The following SGCZ variants were observed in gnomAD, a reference collection of about 807,000 sequenced individuals.
The protein encoded by SGCZ is sarcoglycan zeta.
In SGCZ, 40 loss-of-function variants were observed where a neutral mutation model predicts 41.3. The observed-to-expected ratio is 0.97, with a 90% CI of 0.75 to 1.26. The LOEUF (loss-of-function observed/expected upper bound fraction) is 1.26, where lower values mean the gene tolerates loss of function less well. Ranked by LOEUF, SGCZ falls within the 50% of genes most tolerant of loss-of-function variation. The pLI is 0.00. For synonymous variants in SGCZ, 206 were observed against 137.5 expected (o/e 1.50, Z -3.49); for missense variants, 552 against 369.8 (o/e 1.49, Z -4.04).
intron 1 of SGCZ, among the ~76,000 whole-genome samples, chr8:14,781,206 C>T (rs1382363713): frequency 6.6e-6 from 1 of 152,108 alleles, no homozygotes; most frequent in African/African-American, 2.4e-5. Context: ...CACAAACAGA[C>T]ATCACTCCTT....
At chr8:14,207,149 C>CTGTT (rs145175933) in intron 4 of SGCZ, among the ~76,000 whole-genome samples, 114,173 of 151,158 alleles carry the variant, frequency 0.76, 44,222 homozygotes, top group African/African-American at 0.92. Flanking sequence ...GTGATGGTGG[C>CTGTT]TATTCTTTTT....
intron 1 of SGCZ, among the ~76,000 whole-genome samples, chr8:15,079,620 C>T (rs1178703018): frequency 6.6e-6 from 1 of 152,168 alleles, no homozygotes; most frequent in African/African-American, 2.4e-5. Context: ...TTTGTAGATT[C>T]AAACCTTCTA....
intron 1 of SGCZ, among the ~76,000 whole-genome samples, chr8:14,610,195 T>A (rs1489273240): frequency 1.3e-5 from 2 of 152,100 alleles, no homozygotes; most frequent in African/African-American, 4.8e-5. Context: ...CCAACCTATA[T>A]TACATTGTTA....
intron 1 of SGCZ, among the ~76,000 whole-genome samples, chr8:15,208,061 A>AAGAAAGAGT (rs1801126642): frequency 2.6e-5 from 4 of 152,346 alleles, no homozygotes; most frequent in South Asian, 4.1e-4. Context: ...TGTGTCTACT[A>AAGAAAGAGT]AATATTATTT....
At chr8:14,322,749 A>G (rs1801968801) in intron 3 of SGCZ, among the ~76,000 whole-genome samples, 1 of 152,140 alleles carries the variant, frequency 6.6e-6, no homozygotes, top group South Asian at 2.1e-4. Flanking sequence ...TCCTATGTTT[A>G]GCAGTTTCTT....
At position 15,229,128 on chromosome 8, in the gene SGCZ, G is replaced by T. The variant is rs111535124; in HGVS notation, c.39+8457C>A. 3.0e-3 allele frequency among the ~76,000 whole-genome samples: 460 copies of T among 152,168 alleles called. 1 individual carries two copies. The highest frequency in any genetic ancestry group is 0.011 in the African/African-American group (446 of 41,510). On this transcript the variant is annotated intron_variant, in intron 1 of 7. Coordinates refer to ENST00000382080, the MANE Select transcript of SGCZ (RefSeq NM_139167.4). Reference sequence around the variant, plus strand: ...AATCGCTTGAACCCAGGAGGCAGAGGTTGTAGTGAACCGAGATCGTGCCAC... The same window carrying T: ...AATCGCTTGAACCCAGGAGGCAGAGTTTGTAGTGAACCGAGATCGTGCCAC...
At position 14,665,166 on chromosome 8, in the gene SGCZ, C is replaced by T. The variant is rs796376205; in HGVS notation, c.40-110240G>A. On this transcript the variant is annotated intron_variant, in intron 1 of 7. Transcript: ENST00000382080. ...TCCTAATGCTATCCCTCCCCCCTCT[C>T]CCCACCCCACAACAGGCCCCGGTGT... Among the ~76,000 whole-genome samples, 15 of 152,154 alleles carry T rather than the reference C, an allele frequency of 9.9e-5. 1 individual carries two copies. The highest frequency in any genetic ancestry group is 3.6e-4 in the African/African-American group (15 of 41,534).
intron 1 of SGCZ, among the ~76,000 whole-genome samples, chr8:15,105,911 A>G (rs1195786298): frequency 6.6e-6 from 1 of 150,680 alleles, no homozygotes; most frequent in Non-Finnish European, 1.5e-5. Context: ...AAAAGAGCCA[A>G]TTCTTCCCCT....
chr8:14,210,215 C>G (rs567853194), intron 4 of SGCZ, among the ~76,000 whole-genome samples: 3 of 152,078 alleles, frequency 2.0e-5, no homozygotes, highest in Admixed American at 2.0e-4. Flanking sequence ...ACACTACTAC[C>G]GTCTAGCTAA....
intron 1 of SGCZ, among the ~76,000 whole-genome samples, chr8:15,138,778 G>C (rs544964564): frequency 8.5e-5 from 13 of 152,240 alleles, no homozygotes; most frequent in African/African-American, 2.6e-4. Context: ...CTTCACAGCA[G>C]TGTGAGAAGA....
At chr8:14,568,703 A>G (rs1403728095) in intron 1 of SGCZ, among the ~76,000 whole-genome samples, 1 of 152,130 alleles carries the variant, frequency 6.6e-6, no homozygotes, top group Non-Finnish European at 1.5e-5. Context: ...ATTTTCCTAG[A>G]GGTTTTATTG....
chr8:14,112,060 C>T (rs1802387082), intron 5 of SGCZ, among the ~76,000 whole-genome samples: 2 of 152,040 alleles, frequency 1.3e-5, no homozygotes, highest in South Asian at 4.1e-4. Flanking sequence ...TCACTGGTCC[C>T]AGAAGAAGAG....
intron 1 of SGCZ, among the ~76,000 whole-genome samples, chr8:15,186,186 C>G (rs954247525): frequency 7.0e-6 from 1 of 143,062 alleles, no homozygotes; most frequent in Non-Finnish European, 1.5e-5. Flanking sequence ...GGCATGAACC[C>G]GGGAGGCGGA....
At chr8:14,914,029 G>T (rs1355999103) in intron 1 of SGCZ, among the ~76,000 whole-genome samples, 1 of 151,908 alleles carries the variant, frequency 6.6e-6, no homozygotes, top group Non-Finnish European at 1.5e-5. Context: ...TTAATAGTCA[G>T]TTTATAAAAT....
At chr8:14,533,534 A>G (rs558823267) in intron 2 of SGCZ, among the ~76,000 whole-genome samples, 1 of 152,110 alleles carries the variant, frequency 6.6e-6, no homozygotes, top group African/African-American at 2.4e-5. Flanking sequence ...ACATTTAGAT[A>G]TATTCTAAAT....
intron 2 of SGCZ, among the ~76,000 whole-genome samples, chr8:14,325,992 G>T (rs888473463): frequency 4.0e-5 from 6 of 148,898 alleles, no homozygotes; most frequent in Non-Finnish European, 7.4e-5. Flanking sequence ...GGCGCCTGTA[G>T]TCCCAGGTAC....
chr8:14,935,031 A>AG (rs1800040011), intron 1 of SGCZ, among the ~76,000 whole-genome samples: 2 of 150,094 alleles, frequency 1.3e-5, no homozygotes, highest in Non-Finnish European at 3.0e-5. Context: ...AAAAAAAAAA[A>AG]CTTTTAAAGG....
intron 1 of SGCZ, among the ~76,000 whole-genome samples, chr8:14,603,076 G>A (rs761067256): frequency 5.9e-5 from 9 of 152,102 alleles, no homozygotes; most frequent in East Asian, 1.9e-4. Context: ...CTTGACATAC[G>A]CCGGGGGCAA....
chr8:15,197,936 A>T (rs994370715), intron 1 of SGCZ, among the ~76,000 whole-genome samples: 2 of 150,566 alleles, frequency 1.3e-5, no homozygotes, highest in Non-Finnish European at 3.0e-5. Context: ...ACACCCATAT[A>T]AACACATAAT....
Sources: gnomAD v4.1 joint callset for allele counts (sites outside exome capture counted in the v4.1 genomes callset) on GRCh38, gnomAD v4.1.1 for gene constraint, MANE v1.5 for transcripts, NCBI Gene and HGNC (gene_info 2026-07-23, HGNC 2026-07-21) for gene names.